Variants in MACROH2A2 observed in about 807,000 individuals in gnomAD.
MACROH2A2 encodes the protein macroH2A.2 histone.
MACROH2A2 carries 6 observed loss-of-function variants against 37.6 expected under a neutral mutation model. The ratio of observed to expected loss-of-function variants is 0.16; its 90% CI spans 0.09 to 0.32. The LOEUF (loss-of-function observed/expected upper bound fraction) is 0.32. Ranked by LOEUF, MACROH2A2 falls within the 10% of genes least tolerant of loss-of-function variation. The pLI is 1.00. For missense variants in MACROH2A2, 290 were observed against 485.9 expected (o/e 0.60, Z 3.79); for synonymous variants, 192 against 202.7 (o/e 0.95, Z 0.45).
intron 5 of MACROH2A2, among the ~76,000 whole-genome samples, chr10:70,094,925 T>A (rs1261875922): frequency 6.6e-6 from 1 of 152,174 alleles, no homozygotes; most frequent in East Asian, 1.9e-4. Context: ...CCCACAGATT[T>A]TGTGTTCTTC....
At chr10:70,105,677 T>G in intron 7 of MACROH2A2, among the ~76,000 whole-genome samples, 1 of 146,972 alleles carries the variant, frequency 6.8e-6, no homozygotes, top group African/African-American at 2.5e-5. Context: ...GTGTGGAGGA[T>G]GGTTTGGCAG....
intron 1 of MACROH2A2, among the ~76,000 whole-genome samples, chr10:70,069,265 T>C (rs965382953): frequency 6.6e-6 from 1 of 152,148 alleles, no homozygotes; most frequent in Admixed American, 6.5e-5. Flanking sequence ...AGACCAACGA[T>C]GTGCTTCCCG....
rs557106454 is a variant in MACROH2A2 at position 70,066,224 on chromosome 10, G to A, written c.-59-9376G>A. Among the ~76,000 whole-genome samples the A allele has an allele frequency of 4.9e-3, 750 of 152,258 alleles. 3 individuals carry two copies. Among genetic ancestry groups the A allele is most frequent in the Non-Finnish European group, 7.7e-3 (525 of 68,018 alleles). ...TACACCTATAGTCCTAGCTATTCAG[G>A]AGGCTGAGGTAGAGGATTGCTTGAG... On this transcript the variant is annotated intron_variant, in intron 1 of 8. Transcript: ENST00000373255.
intron 2 of MACROH2A2, among the ~76,000 whole-genome samples, chr10:70,079,105 C>T (rs2072157649): frequency 6.6e-6 from 1 of 152,062 alleles, no homozygotes; most frequent in African/African-American, 2.4e-5. Context: ...CAGGTGCTGT[C>T]GGGCAGGGAA....
intron 7 of MACROH2A2, among the ~76,000 whole-genome samples, chr10:70,100,617 C>CTTTT (rs34180859): frequency 2.2e-5 from 3 of 137,988 alleles, no homozygotes; most frequent in Admixed American, 7.3e-5. Context: ...ATGTTTTGTT[C>CTTTT]TTTTTTTTTT....
At chr10:70,100,655 C>T (rs2072301744) in intron 7 of MACROH2A2, among the ~76,000 whole-genome samples, 1 of 141,520 alleles carries the variant, frequency 7.1e-6, no homozygotes, top group Admixed American at 7.7e-5. Context: ...CTCACTCTGT[C>T]GCCCAGGCTG....
chr10:70,058,445 C>CA (rs1177070554), intron 1 of MACROH2A2, among the ~76,000 whole-genome samples: 4 of 152,168 alleles, frequency 2.6e-5, no homozygotes, highest in African/African-American at 9.7e-5. Context: ...TTTATTCACT[C>CA]AAAGTTACAA....
chr10:70,088,234 G>A (rs77547870), intron 2 of MACROH2A2, among the ~76,000 whole-genome samples: 150 of 127,410 alleles, frequency 1.2e-3, no homozygotes, highest in African/African-American at 3.8e-3. Context: ...ACACACACAC[G>A]CACATATGCC....
chr10:70,103,181 C>T (rs141603880), intron 7 of MACROH2A2, among the ~76,000 whole-genome samples: 86 of 152,266 alleles, frequency 5.6e-4, no homozygotes, highest in African/African-American at 2.0e-3. Flanking sequence ...ACATTGCCCA[C>T]CGACTCAATG....
intron 1 of MACROH2A2, among the ~76,000 whole-genome samples, chr10:70,054,192 G>A (rs1156678194): frequency 6.6e-6 from 1 of 152,270 alleles, no homozygotes; most frequent in East Asian, 1.9e-4. Context: ...CTGAGGCCTG[G>A]TCCTTGCCAG....
rs1301979412 is a variant in MACROH2A2 at position 70,111,651 on chromosome 10, G to C, written c.1087G>C (p.Val363Leu). ...CGACAGCGAGAGCATCGGCATCTAC[G>C]TGCAGGAGATGGCCAAGCTCGACGC... ...LFDSESIGIY[V>L]QEMAKLDAK Residue 363 changes from valine (V) to leucine (L), a missense_variant, in exon 9 of 9, where the codon GTG (valine) becomes CTG (leucine). Transcript: ENST00000373255. 2 of 1,611,704 alleles carry C rather than the reference G, an allele frequency of 1.2e-6. No individual in the cohort carries two copies. Among genetic ancestry groups the C allele is most frequent in the East Asian group, 2.2e-5 (1 of 44,796 alleles).
Position 70,075,481 on chromosome 10 carries a change from G to A in MACROH2A2, c.-59-119G>A. On this transcript the variant is annotated intron_variant, in intron 1 of 8. Coordinates refer to ENST00000373255, the MANE Select transcript of MACROH2A2 (RefSeq NM_018649.3). The surrounding 1 kb of genome is among the most constrained non-coding windows in gnomAD (Gnocchi z 5.0). ...CCTCCTGCACCTGCAGTAGCAGCCA[G>A]ATTTCAGCTGCCTCCCCAGGGCAGT... 2 of 618,506 alleles carry A rather than the reference G, an allele frequency of 3.2e-6. No homozygotes were observed. The highest frequency in any genetic ancestry group is 5.7e-6 in the Non-Finnish European group (2 of 350,560). 38.3% of individuals were successfully genotyped at this position (618,506 alleles called of 1,614,324 possible).
chr10:70,107,311 A>T lies in MACROH2A2; in HGVS notation c.779-1722A>T, dbSNP rs2072344058. ...CTGACACTGTGGACATTGCCAGGAA[A>T]TACTTATATAAACTAGGTGGGCATC... On this transcript the variant is annotated intron_variant, in intron 7 of 8. Coordinates refer to ENST00000373255, the MANE Select transcript of MACROH2A2 (RefSeq NM_018649.3). The surrounding 1 kb of genome is among the most constrained non-coding windows in gnomAD (Gnocchi z 4.4). Among the ~76,000 whole-genome samples, 1 of 152,190 alleles carries T rather than the reference A, an allele frequency of 6.6e-6. No individual in the cohort carries two copies. The highest frequency in any genetic ancestry group is 1.9e-4 in the East Asian group (1 of 5,196).
At chr10:70,059,376 CTTT>C (rs34193972) in intron 1 of MACROH2A2, among the ~76,000 whole-genome samples, 1 of 143,320 alleles carries the variant, frequency 7.0e-6, no homozygotes. Context: ...AGTATAATTT[CTTT>C]TTTTTTTTTT....
intron 1 of MACROH2A2, among the ~76,000 whole-genome samples, chr10:70,060,132 G>A (rs953194354): frequency 1.4e-4 from 22 of 152,168 alleles, no homozygotes; most frequent in African/African-American, 2.4e-5. Context: ...CAGTTTGGGA[G>A]GCTGAGGTGG....
At chr10:70,091,491 C>T (rs887006936) in intron 3 of MACROH2A2, among the ~76,000 whole-genome samples, 6 of 152,178 alleles carry the variant, frequency 3.9e-5, no homozygotes, top group Admixed American at 2.6e-4. Flanking sequence ...GCCTGGCCAA[C>T]GTGGTGAAAC....
intron 1 of MACROH2A2, among the ~76,000 whole-genome samples, chr10:70,061,724 A>G (rs1261827898): frequency 6.6e-6 from 1 of 152,208 alleles, no homozygotes; most frequent in Non-Finnish European, 1.5e-5. Context: ...TTAAAAGGGA[A>G]TGATTTGTTA....
intron 1 of MACROH2A2, among the ~76,000 whole-genome samples, chr10:70,057,909 G>T (rs2072027582): frequency 6.6e-6 from 1 of 152,060 alleles, no homozygotes; most frequent in African/African-American, 2.4e-5. Context: ...CGAAATGGTG[G>T]GGGGATGGTG....
chr10:70,057,416 T>C (rs1248846120), intron 1 of MACROH2A2, among the ~76,000 whole-genome samples: 6 of 152,224 alleles, frequency 3.9e-5, no homozygotes, highest in African/African-American at 1.2e-4. Context: ...TCTTAGATTA[T>C]GATTTTGTGA....
Sources: allele counts gnomAD v4.1 joint callset (sites outside exome capture counted in the v4.1 genomes callset), GRCh38; gene constraint gnomAD v4.1.1; non-coding constraint Gnocchi (gnomAD v3.1); transcripts MANE v1.5; gene names NCBI Gene and HGNC (gene_info 2026-07-23, HGNC 2026-07-21).